GUCY2F: variants seen among roughly 807,000 people sequenced by gnomAD.
GUCY2F encodes retinal guanylyl cyclase 2.
In GUCY2F, 61 loss-of-function variants were observed where a neutral mutation model predicts 73.1. That is an observed-to-expected ratio of 0.83 (90% confidence interval 0.68 to 1.03). The LOEUF (loss-of-function observed/expected upper bound fraction) is 1.03, where lower values mean the gene tolerates loss of function less well. Ranked by LOEUF, GUCY2F falls within the 50% of genes least tolerant of loss-of-function variation. The pLI, the probability that GUCY2F is intolerant of heterozygous loss-of-function variation, is 0.00. For missense variants in GUCY2F, 912 were observed against 854.3 expected (o/e 1.07, Z -0.84); for synonymous variants, 331 against 307.8 (o/e 1.08, Z -0.79).
chrX:109,392,843 C>G (rs1182225969), intron 13 of GUCY2F, 49 bp downstream of exon 13: 2 of 711,237 alleles, frequency 2.8e-6, no homozygotes. Context: ...TTTTTTTTAA[C>G]AGAACACACT....
intron 5 of GUCY2F, 84 bp downstream of exon 5, chrX:109,451,939 C>T (rs6642686): frequency 5.6e-5 from 32 of 567,878 alleles, no homozygotes; most frequent in African/African-American, 1.8e-4. Flanking sequence ...GCAATTGTAC[C>T]GAAACAGGAC....
intron 3 of GUCY2F, among the ~76,000 whole-genome samples, chrX:109,460,593 C>T (rs1385481066): frequency 9.0e-5 from 10 of 111,450 alleles, no homozygotes; most frequent in Non-Finnish European, 1.7e-4. Context: ...AAATTTACCT[C>T]CTGTAAAAAG....
chrX:109,475,168 T>A, intron 2 of GUCY2F, 39 bp downstream of exon 2: 2 of 1,167,001 alleles, frequency 1.7e-6, no homozygotes, highest in Non-Finnish European at 2.3e-6. Flanking sequence ...TCTCTTTCCC[T>A]GAAGTCACGT....
chrX:109,407,362 G>A (rs1432773596), intron 9 of GUCY2F, among the ~76,000 whole-genome samples: 3 of 113,008 alleles, frequency 2.7e-5, no homozygotes, highest in Admixed American at 9.3e-5. Flanking sequence ...TTCAAAAGGT[G>A]ACTTGGGTGC....
chrX:109,405,762 A>C (rs905678774), intron 9 of GUCY2F, among the ~76,000 whole-genome samples: 5 of 111,519 alleles, frequency 4.5e-5, no homozygotes, highest in African/African-American at 1.6e-4. Flanking sequence ...CTCCTCCCTT[A>C]ACTCACTGGG....
chrX:109,475,243 C>T lies in GUCY2F; in HGVS notation c.694G>A (p.Ala232Thr). ...TCTGCCTGGTGAATCCTCTGGAGGG[C>T]TTTCCGCATGCTTTGGCTGTCTTGT... Reference protein sequence around the residue: ...TGQDSQSMRKALQRIHQADRI... With the variant: ...TGQDSQSMRKTLQRIHQADRI... Residue 232 changes from alanine to threonine, a missense_variant, in exon 2 of 20, where the codon GCC becomes ACC. By Grantham distance (58) the Ala-to-Thr change is moderately conservative (BLOSUM62 0). Coordinates refer to ENST00000218006, the MANE Select transcript of GUCY2F (RefSeq NM_001522.3). 8.3e-7 allele frequency: 1 copy of T among 1,209,467 alleles called. No individual in the cohort carries two copies. Among genetic ancestry groups the T allele is most frequent in the Non-Finnish European group, 1.1e-6 (1 of 893,840 alleles).
intron 7 of GUCY2F, among the ~76,000 whole-genome samples, chrX:109,437,452 C>T (rs1931777443): frequency 8.9e-6 from 1 of 112,273 alleles, no homozygotes; most frequent in Non-Finnish European, 1.9e-5. Flanking sequence ...TTTATTTTTT[C>T]CCCTTCTCAA....
intron 7 of GUCY2F, among the ~76,000 whole-genome samples, chrX:109,433,264 T>TA (rs1317053875): frequency 1.8e-5 from 2 of 112,137 alleles, no homozygotes; most frequent in Admixed American, 9.4e-5. Flanking sequence ...CACGAGCAGC[T>TA]AAGCAGAGCT....
At chrX:109,409,654 C>A (rs937459455) in intron 8 of GUCY2F, among the ~76,000 whole-genome samples, 1 of 111,131 alleles carries the variant, frequency 9.0e-6, no homozygotes, top group Admixed American at 9.5e-5. Context: ...GAGAGGGACC[C>A]ACTAGGAGGT....
Position 109,409,036 on chromosome X carries a change from G to C in GUCY2F, c.1924C>G (p.Leu642Val). ...AGTGATGATTTAAACATCCAGTCAA[G>C]TTTCACATCTTGATTTGTCAGTATG... Reference protein sequence around the residue: ...EDILTNQDVKLDWMFKSSLLL... With the variant: ...EDILTNQDVKVDWMFKSSLLL... Residue 642 changes from leucine (L) to valine (V), a missense_variant, in exon 9 of 20, where the codon CTT (leucine) becomes GTT (valine). By Grantham distance (32) the Leu-to-Val change is conservative. Transcript: ENST00000218006. The C allele has an allele frequency of 8.7e-7, 1 of 1,147,719 alleles. No individual in the cohort carries two copies. Among genetic ancestry groups the C allele is most frequent in the Non-Finnish European group, 1.2e-6 (1 of 837,067 alleles). The allele number at this position is 1,147,719 out of a possible 1,213,427, so 94.6% of individuals were successfully genotyped here.
chrX:109,476,092 G>T, intron 1 of GUCY2F, 71 bp from the exon 2 acceptor site: 40 of 292,635 alleles, frequency 1.4e-4, no homozygotes, highest in Non-Finnish European at 1.7e-4. Flanking sequence ...GGTTGTGAAA[G>T]AATGGCAAAA....
chrX:109,448,126 A>T lies in GUCY2F; in HGVS notation c.1512T>A (p.Asn504Lys). ...CATCCTCCAAAGTCAGTAGAATTCT[A>T]TTGGGTCCTTTGATCAACTGGATTT... Reference protein sequence around the residue: ...INKIQLIKGPNRILLTLEDVT... With the variant: ...INKIQLIKGPKRILLTLEDVT... Residue 504 changes from asparagine (N) to lysine (K), a missense_variant, in exon 6 of 20, where the codon AAT (asparagine) becomes AAA (lysine). By Grantham distance (94) the Asn-to-Lys change is moderately conservative. Transcript: ENST00000218006. 1 of 1,131,233 alleles carries T rather than the reference A, an allele frequency of 8.8e-7. No homozygotes were observed. Among genetic ancestry groups the T allele is most frequent in the Non-Finnish European group, 1.2e-6 (1 of 822,504 alleles). The allele number at this position is 1,131,233 out of a possible 1,213,427, so 93.2% of individuals were successfully genotyped here.
chrX:109,382,083 A>G (rs1217606507), intron 17 of GUCY2F, 35 bp downstream of exon 17: 13 of 785,171 alleles, frequency 1.7e-5, no homozygotes, highest in Non-Finnish European at 2.5e-5. Context: ...GGTGTATCCA[A>G]GTAGTCTGGC....
chrX:109,388,914 C>A (rs1930501467), intron 14 of GUCY2F, among the ~76,000 whole-genome samples: 1 of 110,985 alleles, frequency 9.0e-6, no homozygotes, highest in African/African-American at 3.3e-5. Flanking sequence ...TCCTGATTGA[C>A]CTTAGAAAAA....
intron 10 of GUCY2F, among the ~76,000 whole-genome samples, chrX:109,403,480 T>A (rs1409576471): frequency 8.9e-6 from 1 of 111,828 alleles, no homozygotes; most frequent in African/African-American, 3.3e-5. Context: ...GCAAGCCAGA[T>A]ACCGAAATGA....
intron 7 of GUCY2F, among the ~76,000 whole-genome samples, chrX:109,434,909 T>C (rs1603383046): frequency 1.8e-5 from 2 of 110,751 alleles, no homozygotes; most frequent in Admixed American, 9.5e-5. Flanking sequence ...CTTGTTTTTC[T>C]CAGGTTTGTC....
At chrX:109,429,161 C>T (rs1377262542) in intron 8 of GUCY2F, among the ~76,000 whole-genome samples, 1 of 112,118 alleles carries the variant, frequency 8.9e-6, no homozygotes, top group Non-Finnish European at 1.9e-5. Context: ...CCTGTAATCC[C>T]AGCACTTTGG....
intron 4 of GUCY2F, 90 bp from the exon 5 acceptor site, chrX:109,452,197 G>A (rs1347893929): frequency 3.5e-6 from 2 of 566,347 alleles, no homozygotes; most frequent in Non-Finnish European, 6.1e-6. Context: ...CATGCTTTCT[G>A]GTGACTCTAA....
At chrX:109,443,586 G>A (rs1439229201) in intron 6 of GUCY2F, among the ~76,000 whole-genome samples, 1 of 111,734 alleles carries the variant, frequency 8.9e-6, no homozygotes, top group Non-Finnish European at 1.9e-5. Context: ...GTATGCTTTA[G>A]TCACCCAAAT....
Sources: gnomAD v4.1 joint callset for allele counts (sites outside exome capture counted in the v4.1 genomes callset) on GRCh38, gnomAD v4.1.1 for gene constraint, MANE v1.5 for transcripts, NCBI Gene and HGNC (gene_info 2026-07-23, HGNC 2026-07-21) for gene names.